The following ZMAT4 variants were observed in gnomAD, a reference collection of about 807,000 sequenced individuals.
The protein encoded by ZMAT4 is zinc finger matrin-type protein 4.
Under a neutral mutation model 28.7 loss-of-function variants are expected in ZMAT4, and 17 were observed. The observed-to-expected ratio is 0.59, with a 90% CI of 0.41 to 0.89. ZMAT4 has a LOEUF of 0.89. Among genes scored for constraint, ZMAT4 ranks in the 40% least tolerant of loss-of-function variants. The pLI is 0.00. For synonymous variants in ZMAT4, 117 were observed against 109.2 expected, an observed-to-expected ratio of 1.07 and a Z score of -0.44; for missense variants, 240 against 283.8, an observed-to-expected ratio of 0.85 and a Z score of 1.11.
intron 1 of ZMAT4, among the ~76,000 whole-genome samples, chr8:40,897,055 T>C (rs1818902890): frequency 6.6e-6 from 1 of 151,504 alleles, no homozygotes; most frequent in Admixed American, 6.6e-5. Context: ...TGATTTCCTC[T>C]CCTCTGAGAA....
intron 5 of ZMAT4, among the ~76,000 whole-genome samples, chr8:40,640,088 C>T (rs1439070430): frequency 6.6e-6 from 1 of 152,132 alleles, no homozygotes; most frequent in Non-Finnish European, 1.5e-5. Context: ...GTAATCCTCC[C>T]ACCTCAGCCT....
At chr8:40,593,752 T>A (rs2118588705) in intron 5 of ZMAT4, among the ~76,000 whole-genome samples, 1 of 152,308 alleles carries the variant, frequency 6.6e-6, no homozygotes, top group Admixed American at 6.5e-5. Context: ...TAACATGTTT[T>A]ATTAAAACCA....
chr8:40,579,673 C>G (rs145294481), intron 6 of ZMAT4, among the ~76,000 whole-genome samples: 17 of 152,310 alleles, frequency 1.1e-4, no homozygotes, highest in African/African-American at 4.1e-4. Context: ...AAAACAATTT[C>G]TTTGCTTGTA....
chr8:40,830,380 G>A (rs1816236615), intron 1 of ZMAT4, among the ~76,000 whole-genome samples: 1 of 151,946 alleles, frequency 6.6e-6, no homozygotes, highest in South Asian at 2.1e-4. Flanking sequence ...CCACCTTTAT[G>A]TCTACGTGTA....
chr8:40,812,772 A>G (rs1485917196), intron 2 of ZMAT4, among the ~76,000 whole-genome samples: 3 of 152,044 alleles, frequency 2.0e-5, no homozygotes, highest in Non-Finnish European at 4.4e-5. Context: ...CTCTATTAAA[A>G]ATACAAAAAA....
intron 4 of ZMAT4, among the ~76,000 whole-genome samples, chr8:40,686,333 A>G (rs747234590): frequency 2.0e-5 from 3 of 151,924 alleles, no homozygotes; most frequent in Non-Finnish European, 2.9e-5. Context: ...TGGACAACAT[A>G]GTGAGACTGC....
chr8:40,835,145 T>A (rs1396155447), intron 1 of ZMAT4, among the ~76,000 whole-genome samples: 1 of 152,068 alleles, frequency 6.6e-6, no homozygotes, highest in Admixed American at 6.5e-5. Flanking sequence ...GAGTGACAGG[T>A]GGAGAGCTTG....
At chr8:40,854,976 A>C (rs148748733) in intron 1 of ZMAT4, among the ~76,000 whole-genome samples, 1 of 152,324 alleles carries the variant, frequency 6.6e-6, no homozygotes, top group Non-Finnish European at 1.5e-5. Flanking sequence ...TGATTTAATG[A>C]AAGATCAAAA....
At chr8:40,557,082 T>A (rs551141532) in intron 6 of ZMAT4, among the ~76,000 whole-genome samples, 3 of 152,252 alleles carry the variant, frequency 2.0e-5, no homozygotes, top group African/African-American at 7.2e-5. Flanking sequence ...AGTGAGAACA[T>A]GAGGCATCAG....
At chr8:40,673,913 A>G (rs1483246063) in intron 5 of ZMAT4, among the ~76,000 whole-genome samples, 2 of 152,074 alleles carry the variant, frequency 1.3e-5, no homozygotes, top group African/African-American at 4.8e-5. Flanking sequence ...TGTTGACTAC[A>G]TAGTGCCACA....
At chr8:40,602,173 G>C (rs1805420385) in intron 5 of ZMAT4, among the ~76,000 whole-genome samples, 1 of 152,096 alleles carries the variant, frequency 6.6e-6, no homozygotes, top group South Asian at 2.1e-4. Context: ...TTCCATCCAG[G>C]TTGCGCGAAT....
chr8:40,836,676 C>A (rs1005014520), intron 1 of ZMAT4, among the ~76,000 whole-genome samples: 3 of 151,990 alleles, frequency 2.0e-5, no homozygotes, highest in African/African-American at 7.3e-5. Flanking sequence ...ATATAGACAT[C>A]TTGGGCATAC....
rs115809157 is a variant in ZMAT4, at chr8:40,585,276, A to T, written c.578-4015T>A. Reference sequence around the variant, plus strand: ...TTAGGAAGCAGCCTAAGAGACTGACAACTTTTCAGGTACAAACTGCCAGTT... The same window carrying T: ...TTAGGAAGCAGCCTAAGAGACTGACTACTTTTCAGGTACAAACTGCCAGTT... On this transcript the variant is annotated intron_variant, in intron 5 of 6. Coordinates refer to ENST00000297737, the MANE Select transcript of ZMAT4 (RefSeq NM_024645.3). Among the ~76,000 whole-genome samples the T allele has an allele frequency of 9.5e-3, 1,451 of 152,304 alleles. 23 individuals are homozygous for T. The highest frequency in any genetic ancestry group is 0.033 in the African/African-American group (1,368 of 41,582).
intron 6 of ZMAT4, among the ~76,000 whole-genome samples, chr8:40,541,810 T>A (rs1394269118): frequency 6.6e-6 from 1 of 152,210 alleles, no homozygotes; most frequent in African/African-American, 2.4e-5. Flanking sequence ...CTGCAGTGCC[T>A]CGAAGTGCAG....
intron 3 of ZMAT4, among the ~76,000 whole-genome samples, chr8:40,723,565 A>AAAAAAAAAAAT (rs1811196386): frequency 2.0e-5 from 3 of 149,214 alleles, no homozygotes; most frequent in Non-Finnish European, 4.5e-5. Flanking sequence ...AAAAAAAAAA[A>AAAAAAAAAAAT]GATTGGGTAT....
At chr8:40,628,740 T>A (rs899182125) in intron 5 of ZMAT4, among the ~76,000 whole-genome samples, 13 of 152,158 alleles carry the variant, frequency 8.5e-5, no homozygotes, top group Non-Finnish European at 1.2e-4. Context: ...AGATGGAAAT[T>A]CTGAAATGGC....
intron 3 of ZMAT4, among the ~76,000 whole-genome samples, chr8:40,741,725 T>C (rs943817552): frequency 1.3e-4 from 20 of 152,188 alleles, no homozygotes; most frequent in African/African-American, 4.1e-4. Context: ...GTGCATTGCA[T>C]TGAATTGTGG....
chr8:40,645,041 G>A (rs1475089618), intron 5 of ZMAT4, among the ~76,000 whole-genome samples: 2 of 152,162 alleles, frequency 1.3e-5, no homozygotes, highest in East Asian at 1.9e-4. Flanking sequence ...ATTTAATATA[G>A]TATTCTATAT....
chr8:40,648,250 C>G (rs1383631805), intron 5 of ZMAT4, among the ~76,000 whole-genome samples: 1 of 151,974 alleles, frequency 6.6e-6, no homozygotes, highest in Non-Finnish European at 1.5e-5. Flanking sequence ...GAGCTGAAAA[C>G]CAAGGCTCAA....
Sources: allele counts gnomAD v4.1 joint callset (sites outside exome capture counted in the v4.1 genomes callset), GRCh38; gene constraint gnomAD v4.1.1; transcripts MANE v1.5; gene names NCBI Gene and HGNC (gene_info 2026-07-23, HGNC 2026-07-21).